Variants in ANKRD44 observed in about 807,000 individuals in gnomAD.
ANKRD44 encodes the protein serine/threonine-protein phosphatase 6 regulatory ankyrin repeat subunit B.
In ANKRD44, 35 loss-of-function variants were observed where a neutral mutation model predicts 116.0. That is an observed-to-expected ratio of 0.30 (90% CI 0.23 to 0.40). The LOEUF (loss-of-function observed/expected upper bound fraction) is 0.40, where lower values mean the gene tolerates loss of function less well. Among genes scored for constraint, ANKRD44 ranks in the 10% least tolerant of loss-of-function variants. The pLI is 1.00. For synonymous variants in ANKRD44, 435 were observed against 461.8 expected, an observed-to-expected ratio of 0.94 and a Z score of 0.74; for missense variants, 1,014 against 1,242.6, an observed-to-expected ratio of 0.82 and a Z score of 2.77.
intron 1 of ANKRD44, among the ~76,000 whole-genome samples, chr2:197,252,532 G>C (rs539679636): frequency 6.6e-6 from 1 of 151,896 alleles, no homozygotes; most frequent in East Asian, 1.9e-4. Flanking sequence ...TCAGCCTCCC[G>C]AGTAGCTGGG....
Position 197,083,420 on chromosome 2 carries a change from T to A in ANKRD44, c.1406A>T (p.Asp469Val). Residue 469 changes from aspartate to valine, a missense_variant, in exon 14 of 28, where the codon GAC becomes GTC. Coordinates refer to ENST00000282272, the MANE Select transcript of ANKRD44 (RefSeq NM_001195144.2). Reference protein sequence around the residue: ...TTGANVNETDDWGRTALHYAA... With the variant: ...TTGANVNETDVWGRTALHYAA... ...GTAATGCAAAGCTGTGCGTCCCCAG[T>A]CATCTGTTTCATTAACGTTGGCCCC... The A allele has an allele frequency of 6.2e-7, 1 of 1,613,990 alleles. No individual in the cohort carries two copies. The highest frequency in any genetic ancestry group is 8.5e-7 in the Non-Finnish European group (1 of 1,179,920).
At chr2:197,122,422 T>G (rs2078877511) in intron 7 of ANKRD44, among the ~76,000 whole-genome samples, 1 of 152,216 alleles carries the variant, frequency 6.6e-6, no homozygotes, top group African/African-American at 2.4e-5. Context: ...TCTTTATGTC[T>G]ATATATTTAT....
At chr2:197,095,887 T>A (rs551124943) in intron 10 of ANKRD44, among the ~76,000 whole-genome samples, 46 of 152,194 alleles carry the variant, frequency 3.0e-4, no homozygotes, top group Non-Finnish European at 6.2e-4. Flanking sequence ...TTGGTTTCTG[T>A]TTGCATGTAT....
At chr2:197,122,816 A>G in intron 6 of ANKRD44, 24 bp from the exon 7 acceptor site, 11 of 1,610,588 alleles carry the variant, frequency 6.8e-6, no homozygotes, top group Non-Finnish European at 8.5e-6. Context: ...GCAGCAGAAA[A>G]CATCGTTAAC....
intron 23 of ANKRD44, 133 bp downstream of exon 23, chr2:197,000,286 C>A (rs572160183): frequency 4.3e-6 from 3 of 691,528 alleles, no homozygotes; most frequent in Admixed American, 2.8e-5. Flanking sequence ...TAATTATACA[C>A]CCTCTGTAAT....
chr2:197,295,715 T>C (rs981429226), intron 1 of ANKRD44, among the ~76,000 whole-genome samples: 1 of 152,092 alleles, frequency 6.6e-6, no homozygotes, highest in African/African-American at 2.4e-5. Context: ...ATGGCAGGAA[T>C]GGAGTTAAGA....
At chr2:197,120,938 TTTTG>T (rs1439513880) in intron 8 of ANKRD44, among the ~76,000 whole-genome samples, 11 of 148,114 alleles carry the variant, frequency 7.4e-5, no homozygotes, top group African/African-American at 2.1e-4. Context: ...ACTTTTTTTT[TTTTG>T]TTTTTGAGAC....
intron 16 of ANKRD44, among the ~76,000 whole-genome samples, chr2:197,069,287 C>T (rs1236569836): frequency 4.1e-5 from 6 of 146,116 alleles, no homozygotes; most frequent in Non-Finnish European, 6.0e-5. Context: ...CATCACACAC[C>T]GGGGCCTGTT....
Position 196,974,476 on chromosome 2 carries a change from T to A in ANKRD44, c.2369-7030A>T, listed in dbSNP as rs188517435. 6.2e-4 allele frequency among the ~76,000 whole-genome samples: 94 copies of A among 152,214 alleles called. 1 individual carries two copies. Among genetic ancestry groups the A allele is most frequent in the Middle Eastern group, 3.4e-3 (1 of 294 alleles). ...GAGAACAATGAAAATGAAAATGCAATATACCAAAACATCTGGGATGTAACT... is the reference window on the plus strand; with the variant it reads ...GAGAACAATGAAAATGAAAATGCAAAATACCAAAACATCTGGGATGTAACT... On this transcript the variant is annotated intron_variant, in intron 21 of 21. Coordinates refer to the ANKRD44 transcript ENST00000424317.
Position 197,145,811 on chromosome 2 carries a change from G to A in ANKRD44, c.190+1216C>T, listed in dbSNP as rs180932620. Among the ~76,000 whole-genome samples, 7 of 152,284 alleles carry A rather than the reference G, an allele frequency of 4.6e-5. No individual in the cohort carries two copies. The East Asian group carries it at 1.3e-3, about 29-fold the overall frequency. ...CCTACCTCTGCAGAGCTTACTTTAA[G>A]ATGCTACAGTTCCCCTTTCCTTACT... On this transcript the variant is annotated intron_variant, in intron 3 of 27. Coordinates refer to ENST00000282272, the MANE Select transcript of ANKRD44 (RefSeq NM_001195144.2).
intron 2 of ANKRD44, among the ~76,000 whole-genome samples, chr2:197,162,170 C>T (rs1534540): frequency 0.73 from 110,497 of 152,116 alleles, 41,762 homozygotes; most frequent in East Asian, 0.95. Context: ...CTATAGTCCT[C>T]AAGTCAATGC....
intron 2 of ANKRD44, among the ~76,000 whole-genome samples, chr2:197,166,482 A>G (rs1291930915): frequency 1.3e-5 from 2 of 152,248 alleles, no homozygotes; most frequent in African/African-American, 4.8e-5. Flanking sequence ...AAAGCGAGGA[A>G]TATTGAAAAG....
intron 16 of ANKRD44, among the ~76,000 whole-genome samples, chr2:197,052,680 G>T (rs945458695): frequency 1.3e-5 from 2 of 152,094 alleles, no homozygotes; most frequent in African/African-American, 4.8e-5. Flanking sequence ...CTGGGGAGAA[G>T]GTGAGCTGCT....
chr2:197,089,081 G>A (rs1456020234), intron 11 of ANKRD44, among the ~76,000 whole-genome samples: 2 of 152,150 alleles, frequency 1.3e-5, no homozygotes, highest in African/African-American at 2.4e-5. Context: ...TAGGGCAATC[G>A]ACAGGCAGAT....
In ANKRD44 at chr2:197,106,806, A is replaced by ATATT. The variant is rs35186298; in HGVS notation, c.985+3959_985+3960insAATA. On this transcript the variant is annotated intron_variant, in intron 9 of 27. Transcript: ENST00000282272. Reference sequence around the variant, plus strand: ...CTCCGTCTCAAATATATATATATATATTTTTTTTTTTTTTTCAGGAAAACA... The same window carrying ATATT: ...CTCCGTCTCAAATATATATATATATATATTTTTTTTTTTTTTTTTCAGGAAAACA... 7.0e-3 allele frequency among the ~76,000 whole-genome samples: 956 copies of ATATT among 136,548 alleles called. 4 individuals are homozygous for ATATT. The highest frequency in any genetic ancestry group is 0.019 in the Middle Eastern group (5 of 266). 89.6% of individuals were successfully genotyped at this position (136,548 alleles called of 152,430 possible).
At chr2:197,128,035 A>G (rs972839791) in intron 4 of ANKRD44, among the ~76,000 whole-genome samples, 1 of 152,190 alleles carries the variant, frequency 6.6e-6, no homozygotes, top group Admixed American at 6.5e-5. Context: ...TCCATGGTGT[A>G]TAGGTACCAC....
intron 17 of ANKRD44, chr2:197,016,029 G>A (rs2076386339): frequency 1.9e-6 from 1 of 532,644 alleles, no homozygotes; most frequent in Non-Finnish European, 3.7e-6. Context: ...CAGCAGAAAA[G>A]GGCTAGAGTT....
At chr2:197,116,659 G>C (rs1452807439) in intron 8 of ANKRD44, among the ~76,000 whole-genome samples, 1 of 152,094 alleles carries the variant, frequency 6.6e-6, no homozygotes, top group South Asian at 2.1e-4. Context: ...AGAGTAAAGG[G>C]CTGTTTCACT....
At chr2:197,306,773 G>A (rs2084086150) in intron 1 of ANKRD44, among the ~76,000 whole-genome samples, 1 of 152,192 alleles carries the variant, frequency 6.6e-6, no homozygotes, top group African/African-American at 2.4e-5. Flanking sequence ...ACCGCTGCCA[G>A]CCACTGCCTT....
Sources: allele counts gnomAD v4.1 joint callset (sites outside exome capture counted in the v4.1 genomes callset), GRCh38; gene constraint gnomAD v4.1.1; transcripts MANE v1.5; gene names NCBI Gene and HGNC (gene_info 2026-07-23, HGNC 2026-07-21).